The following ADI1 variants were observed in gnomAD, a reference collection of about 807,000 sequenced individuals.
ADI1 encodes the protein acireductone dioxygenase.
In ADI1, 21 loss-of-function variants were observed where a neutral mutation model predicts 18.7. The observed-to-expected ratio is 1.13, with a 90% confidence interval of 0.80 to 1.62. ADI1 has a LOEUF of 1.62. Among genes scored for constraint, ADI1 ranks in the 40% most tolerant of loss-of-function variants. The probability of loss-of-function intolerance (pLI) is 0.00; values close to 1 mark genes in which losing one functional copy is unlikely to be tolerated. For missense variants in ADI1, 245 were observed against 254.9 expected, an observed-to-expected ratio of 0.96 and a Z score of 0.26; for synonymous variants, 90 against 100.1, an observed-to-expected ratio of 0.90 and a Z score of 0.60.
rs550143976 is a variant in ADI1 at position 3,509,010 on chromosome 2, A to C, written c.240+4847T>G. ...AAGGAAGGAAAGAAGGAAGGAAGGG[A>C]GGGAGGGAGGGAGGGAGGGGAAGAA... On this transcript the variant is annotated intron_variant, in intron 2 of 3. Coordinates refer to ENST00000327435, the MANE Select transcript of ADI1 (RefSeq NM_018269.4). 9.9e-3 allele frequency among the ~76,000 whole-genome samples: 536 copies of C among 54,374 alleles called. 9 individuals are homozygous for C. The highest frequency in any genetic ancestry group is 0.038 in the African/African-American group (516 of 13,518). 35.7% of individuals were successfully genotyped at this position (54,374 alleles called of 152,430 possible).
chr2:3,503,809 A>G (rs915014238), intron 2 of ADI1, among the ~76,000 whole-genome samples: 3 of 152,318 alleles, frequency 2.0e-5, no homozygotes, highest in Admixed American at 6.5e-5. Context: ...GAGGTCTGGG[A>G]CAACGTGAAG....
At chr2:3,510,280 A>C (rs930150339) in intron 2 of ADI1, among the ~76,000 whole-genome samples, 3 of 152,158 alleles carry the variant, frequency 2.0e-5, no homozygotes, top group Non-Finnish European at 4.4e-5. Context: ...GCACCACTGC[A>C]CTTTAGCCTG....
chr2:3,510,854 T>C (rs1402364763), intron 2 of ADI1, among the ~76,000 whole-genome samples: 4 of 151,700 alleles, frequency 2.6e-5, no homozygotes, highest in African/African-American at 7.3e-5. Flanking sequence ...TCTCCAAACA[T>C]AAGGAAAGAA....
Position 3,513,987 on chromosome 2 carries a change from T to TA in ADI1, c.121-12dup, listed in dbSNP as rs746547878. 1.9e-6 allele frequency: 3 copies of TA among 1,586,050 alleles called. No individual in the cohort carries two copies. The highest frequency in any genetic ancestry group is 2.7e-5 in the African/African-American group (2 of 73,156). On this transcript the variant is annotated splice_polypyrimidine_tract_variant and intron_variant, in intron 1 of 3. Transcript: ENST00000327435. Reference sequence around the variant, plus strand: ...TTTGTCAGCATCCAGCTAAAAGAGTTAACCCACCAAAAACAAGAGCTCAGA... The same window carrying TA: ...TTTGTCAGCATCCAGCTAAAAGAGTTAAACCCACCAAAAACAAGAGCTCAGA...
intron 3 of ADI1, 90 bp downstream of exon 3, chr2:3,500,724 T>C: frequency 6.4e-7 from 1 of 1,568,534 alleles, no homozygotes; most frequent in Non-Finnish European, 8.7e-7. Flanking sequence ...GCGCTTGGAG[T>C]CTGCGGAAGC....
intron 1 of ADI1, chr2:3,517,754 A>G (rs78873014): frequency 7.5e-6 from 1 of 132,976 alleles, no homozygotes; most frequent in South Asian, 2.6e-4. Context: ...CAAAAAGAGC[A>G]AAAAAAAAAA....
At chr2:3,510,378 C>A (rs1442409855) in intron 2 of ADI1, among the ~76,000 whole-genome samples, 1 of 152,038 alleles carries the variant, frequency 6.6e-6, no homozygotes, top group African/African-American at 2.4e-5. Context: ...AAATCAGTGA[C>A]TTCAGCTTCC....
At chr2:3,504,849 T>TTCACCTGCGTATGTTTGTATTGTC (rs1558426486) in intron 2 of ADI1, among the ~76,000 whole-genome samples, 6 of 151,118 alleles carry the variant, frequency 4.0e-5, no homozygotes, top group Non-Finnish European at 8.8e-5. Flanking sequence ...TCTGCATTGT[T>TTCACCTGCGTATGTTTGTATTGTC]GGTTCACCTG....
intron 3 of ADI1, among the ~76,000 whole-genome samples, chr2:3,500,164 AG>A (rs1313364951): frequency 6.6e-6 from 1 of 152,054 alleles, no homozygotes; most frequent in African/African-American, 2.4e-5. Context: ...GGTTACTTTC[AG>A]GGAGAGAAAC....
intron 2 of ADI1, among the ~76,000 whole-genome samples, chr2:3,503,139 G>GCA (rs1317322097): frequency 9.3e-5 from 14 of 151,184 alleles, no homozygotes; most frequent in African/African-American, 3.2e-4. Flanking sequence ...ACCTACACAC[G>GCA]CACACACACG....
At chr2:3,502,901 G>A (rs1304296969) in intron 2 of ADI1, among the ~76,000 whole-genome samples, 1 of 152,076 alleles carries the variant, frequency 6.6e-6, no homozygotes, top group Non-Finnish European at 1.5e-5. Flanking sequence ...TGTGTTGTGG[G>A]GATTGAGAGG....
At chr2:3,516,795 C>T (rs1291187671) in intron 1 of ADI1, 1 of 985,264 alleles carries the variant, frequency 1.0e-6, no homozygotes, top group Non-Finnish European at 1.2e-6. Context: ...AACTCTATGT[C>T]ACTAATAACA....
At chr2:3,507,163 G>A (rs985181948) in intron 2 of ADI1, among the ~76,000 whole-genome samples, 18 of 152,162 alleles carry the variant, frequency 1.2e-4, no homozygotes, top group Admixed American at 1.1e-3. Context: ...AGCAGGGATT[G>A]GGGGAGAACA....
chr2:3,503,387 TCA>T (rs1667083087), intron 2 of ADI1, among the ~76,000 whole-genome samples: 1 of 140,378 alleles, frequency 7.1e-6, no homozygotes, highest in African/African-American at 2.8e-5. Context: ...ACACACGTAC[TCA>T]CACGCACATT....
At position 3,513,748 on chromosome 2, in the gene ADI1, G is replaced by T. The variant is rs886627613; in HGVS notation, c.240+109C>A. On this transcript the variant is annotated intron_variant, in intron 2 of 3. Transcript: ENST00000327435. ...GTTTCAGGTATTTATTTATAGCAAA[G>T]CAAGAATGGCCTCATACAGACATTA... The T allele has an allele frequency of 1.7e-5, 20 of 1,205,832 alleles. No individual in the cohort carries two copies. The South Asian group carries it at 2.5e-4, about 15-fold the overall frequency. The allele number at this position is 1,205,832 out of a possible 1,614,324, so 74.7% of individuals were successfully genotyped here.
At position 3,513,952 on chromosome 2, in the gene ADI1, C is replaced by G. The variant is rs1395974869; in HGVS notation, c.145G>C (p.Asp49His). The change falls in exon 2 of 4, where the codon GAT (aspartate) becomes CAT (histidine). Residue 49 changes from aspartate (D) to histidine (H), a missense_variant. By Grantham distance (81) the Asp-to-His change is moderately conservative. Transcript: ENST00000327435. ...WKLDADKYEN[D>H]PELEKIRRER... Reference sequence around the variant, plus strand: ...CTTCGGATCTTTTCTAATTCTGGATCATTCTCATATTTGTCAGCATCCAGC... The same window carrying G: ...CTTCGGATCTTTTCTAATTCTGGATGATTCTCATATTTGTCAGCATCCAGC... 2 of 1,610,510 alleles carry G rather than the reference C, an allele frequency of 1.2e-6. No individual in the cohort carries two copies. The highest frequency in any genetic ancestry group is 1.7e-6 in the Non-Finnish European group (2 of 1,179,236).
At chr2:3,499,228 C>A in intron 3 of ADI1, 146 bp from the exon 4 acceptor site, 1 of 1,363,618 alleles carries the variant, frequency 7.3e-7, no homozygotes, top group Admixed American at 2.8e-5. Flanking sequence ...ATTTAGGCCA[C>A]ATTTTATTCG....
intron 2 of ADI1, among the ~76,000 whole-genome samples, chr2:3,513,454 C>G (rs1667335172): frequency 6.6e-6 from 1 of 152,160 alleles, no homozygotes; most frequent in African/African-American, 2.4e-5. Flanking sequence ...GTGGATTTCT[C>G]ATGAATAGCT....
intron 1 of ADI1, chr2:3,517,117 A>C (rs1667426170): frequency 6.2e-6 from 1 of 162,282 alleles, no homozygotes; most frequent in African/African-American, 2.4e-5. Context: ...CCACTTGATC[A>C]AACTAAAACT....
Sources: gnomAD v4.1 joint callset for allele counts (sites outside exome capture counted in the v4.1 genomes callset) on GRCh38, gnomAD v4.1.1 for gene constraint, MANE v1.5 for transcripts, NCBI Gene and HGNC (gene_info 2026-07-23, HGNC 2026-07-21) for gene names.